Variants in DOCK4 observed in about 807,000 individuals in gnomAD.
DOCK4 encodes dedicator of cytokinesis protein 4.
DOCK4 carries 97 observed loss-of-function variants against 268.1 expected under a neutral mutation model. The ratio of observed to expected loss-of-function variants is 0.36; its 90% confidence interval spans 0.31 to 0.43. The LOEUF is 0.43. DOCK4 is among the 20% of genes least tolerant of loss of function. DOCK4 has a pLI of 1.00. For missense variants in DOCK4, 2,145 were observed against 2,455.7 expected (o/e 0.87, Z 2.67); for synonymous variants, 954 against 887.2 (o/e 1.08, Z -1.34).
intron 1 of DOCK4, among the ~76,000 whole-genome samples, chr7:112,084,101 TGAGGACCTAAACC>T (rs1808839971): frequency 6.6e-6 from 1 of 152,180 alleles, no homozygotes; most frequent in Non-Finnish European, 1.5e-5. Context: ...TAATCCACAG[TGAGGACCTAAACC>T]CAGACAGGCC....
At chr7:112,094,022 T>C (rs1378757692) in intron 1 of DOCK4, among the ~76,000 whole-genome samples, 2 of 152,034 alleles carry the variant, frequency 1.3e-5, no homozygotes, top group Non-Finnish European at 2.9e-5. Flanking sequence ...AGGGTAAGCA[T>C]AAAAATACAC....
At chr7:111,985,128 A>C (rs1285801396) in intron 6 of DOCK4, among the ~76,000 whole-genome samples, 1 of 151,994 alleles carries the variant, frequency 6.6e-6, no homozygotes, top group Non-Finnish European at 1.5e-5. Flanking sequence ...CACGAGTCTA[A>C]CTCTATTCTG....
Position 111,902,516 on chromosome 7 carries a change from T to TA in DOCK4, c.1193-716dup, listed in dbSNP as rs568986454. Among the ~76,000 whole-genome samples the TA allele has an allele frequency of 3.4e-4, 51 of 152,204 alleles. 2 individuals carry two copies. In the South Asian group the frequency reaches 9.3e-3, roughly 28 times the overall value. Reference sequence around the variant, plus strand: ...TCAACCCTTTCTTATTATTGCAAGATAAAAAAAGATAAATTTGATGCCAAC... The same window carrying TA: ...TCAACCCTTTCTTATTATTGCAAGATAAAAAAAAGATAAATTTGATGCCAAC... On this transcript the variant is annotated intron_variant, in intron 13 of 52. Coordinates refer to ENST00000428084, the MANE Select transcript of DOCK4 (RefSeq NM_001363540.2).
intron 1 of DOCK4, among the ~76,000 whole-genome samples, chr7:112,011,585 A>T (rs537525879): frequency 6.6e-6 from 1 of 152,112 alleles, no homozygotes; most frequent in Non-Finnish European, 1.5e-5. Flanking sequence ...TAACAACATC[A>T]GGAGGGAATT....
intron 1 of DOCK4, among the ~76,000 whole-genome samples, chr7:112,162,767 C>T (rs1817247912): frequency 6.6e-6 from 1 of 152,110 alleles, no homozygotes; most frequent in East Asian, 1.9e-4. Flanking sequence ...TAGGAAACCT[C>T]AAAATGAACA....
intron 1 of DOCK4, among the ~76,000 whole-genome samples, chr7:112,007,728 C>T (rs1055975282): frequency 6.6e-6 from 1 of 151,982 alleles, no homozygotes; most frequent in African/African-American, 2.4e-5. Context: ...CTAAGGAAAA[C>T]CAGTTTAGCA....
At chr7:111,912,366 A>C (rs1792178659) in intron 13 of DOCK4, among the ~76,000 whole-genome samples, 1 of 152,292 alleles carries the variant, frequency 6.6e-6, no homozygotes, top group South Asian at 2.1e-4. Flanking sequence ...CAGAAATACT[A>C]CTACTTAGTA....
intron 1 of DOCK4, among the ~76,000 whole-genome samples, chr7:112,081,351 A>C (rs1808564440): frequency 6.6e-6 from 1 of 152,128 alleles, no homozygotes; most frequent in African/African-American, 2.4e-5. Context: ...GATATCCCTA[A>C]CACCACCAAC....
At chr7:112,018,553 T>C (rs964509472) in intron 1 of DOCK4, among the ~76,000 whole-genome samples, 1 of 152,236 alleles carries the variant, frequency 6.6e-6, no homozygotes, top group African/African-American at 2.4e-5. Flanking sequence ...TAGCTTTCCA[T>C]AACTTTCTTC....
At chr7:112,071,222 A>G (rs988380094) in intron 1 of DOCK4, among the ~76,000 whole-genome samples, 1 of 152,220 alleles carries the variant, frequency 6.6e-6, no homozygotes, top group African/African-American at 2.4e-5. Flanking sequence ...TCTCCTCCTG[A>G]TATCTTGTAC....
intron 1 of DOCK4, among the ~76,000 whole-genome samples, chr7:112,196,565 G>A (rs921288747): frequency 6.6e-6 from 1 of 152,188 alleles, no homozygotes; most frequent in African/African-American, 2.4e-5. Flanking sequence ...GGTGAAAAGA[G>A]AAGGATTACA....
intron 1 of DOCK4, among the ~76,000 whole-genome samples, chr7:112,117,930 A>AG (rs1310178365): frequency 8.5e-5 from 13 of 152,138 alleles, no homozygotes; most frequent in Non-Finnish European, 1.6e-4. Context: ...ACTTTCTAAA[A>AG]GCCTCTCTCC....
At chr7:111,891,723 G>A (rs571094029) in intron 16 of DOCK4, among the ~76,000 whole-genome samples, 3 of 152,164 alleles carry the variant, frequency 2.0e-5, no homozygotes, top group Non-Finnish European at 4.4e-5. Flanking sequence ...GCATGAGACT[G>A]TTTTCCCTTA....
At chr7:112,180,979 C>A (rs1001333974) in intron 1 of DOCK4, among the ~76,000 whole-genome samples, 1 of 152,152 alleles carries the variant, frequency 6.6e-6, no homozygotes, top group African/African-American at 2.4e-5. Flanking sequence ...GTAGTAGTTG[C>A]AGAATGGCTT....
chr7:111,991,573 A>G (rs1373778843), intron 5 of DOCK4, among the ~76,000 whole-genome samples: 3 of 152,136 alleles, frequency 2.0e-5, no homozygotes, highest in Non-Finnish European at 4.4e-5. Flanking sequence ...CTTAAAATGA[A>G]AACAGTACAG....
intron 1 of DOCK4, among the ~76,000 whole-genome samples, chr7:112,173,000 C>T (rs1384182038): frequency 6.6e-6 from 1 of 152,190 alleles, no homozygotes; most frequent in East Asian, 1.9e-4. Flanking sequence ...AGCTTAATCA[C>T]GTCGTGTGAG....
intron 1 of DOCK4, among the ~76,000 whole-genome samples, chr7:112,118,621 T>G (rs768934684): frequency 9.2e-5 from 14 of 152,096 alleles, no homozygotes; most frequent in Non-Finnish European, 1.8e-4. Flanking sequence ...TACTTCAAAC[T>G]CCCCTTCCTA....
rs575569423 is a variant in DOCK4 at position 111,779,355 on chromosome 7, A to G, written c.3586-986T>C. On this transcript the variant is annotated intron_variant, in intron 35 of 52. Coordinates refer to ENST00000428084, the MANE Select transcript of DOCK4 (RefSeq NM_001363540.2). ...TTAGATCTTAGGAAATATCTCTAAA[A>G]TGTTTTTACCAAAACTCAACTTTTA... Among the ~76,000 whole-genome samples the G allele has an allele frequency of 2.0e-5, 3 of 152,286 alleles. No homozygotes were observed. In the South Asian group the frequency reaches 6.2e-4, roughly 32 times the overall value.
chr7:111,971,835 G>A (rs1797738470), intron 8 of DOCK4: 4 of 293,832 alleles, frequency 1.4e-5, no homozygotes, highest in South Asian at 3.7e-5. Flanking sequence ...CTGATATAGC[G>A]GGGCCATTTC....
Sources: gnomAD v4.1 joint callset for allele counts (sites outside exome capture counted in the v4.1 genomes callset) on GRCh38, gnomAD v4.1.1 for gene constraint, MANE v1.5 for transcripts, NCBI Gene and HGNC (gene_info 2026-07-23, HGNC 2026-07-21) for gene names.